Variants in LRRC9 observed in about 807,000 individuals in gnomAD.
LRRC9 encodes the protein leucine rich repeat containing 9.
In LRRC9, 122 loss-of-function variants were observed where a neutral mutation model predicts 63.2. The observed-to-expected ratio is 1.93, with a 90% CI of 1.67 to 2.24. The LOEUF (loss-of-function observed/expected upper bound fraction) is 2.24. Ranked by LOEUF, LRRC9 falls within the 30% of genes most tolerant of loss-of-function variation. LRRC9 has a pLI of 0.00. For synonymous variants in LRRC9, 366 were observed against 213.1 expected (o/e 1.72, Z -6.25); for missense variants, 1,071 against 627.7 (o/e 1.71, Z -7.55).
chr14:59,980,322 A>T (rs1245012886), intron 15 of LRRC9, among the ~76,000 whole-genome samples: 1 of 152,150 alleles, frequency 6.6e-6, no homozygotes, highest in East Asian at 1.9e-4. Flanking sequence ...GTCTATATGA[A>T]TCTATTCTGT....
In LRRC9 at chr14:60,042,472, G is replaced by A. The variant is rs561430316; in HGVS notation, c.3990+10409G>A. On this transcript the variant is annotated intron_variant, in intron 29 of 31. Transcript: ENST00000445360. The surrounding 1 kb of genome is among the most constrained non-coding windows in gnomAD (Gnocchi z 4.2). Reference sequence around the variant, plus strand: ...TGGCGGATGCCCCTCCCCTAGCCTCGCTGCTGCCTTGCAGTTCGATCTCAG... The same window carrying A: ...TGGCGGATGCCCCTCCCCTAGCCTCACTGCTGCCTTGCAGTTCGATCTCAG... 1.8e-4 allele frequency among the ~76,000 whole-genome samples: 27 copies of A among 152,196 alleles called. No homozygotes were observed. The highest frequency in any genetic ancestry group is 2.8e-4 in the Non-Finnish European group (19 of 68,032).
chr14:59,995,362 T>A (rs219360), intron 17 of LRRC9, among the ~76,000 whole-genome samples: 113,881 of 152,104 alleles, frequency 0.75, 44,770 homozygotes, highest in Non-Finnish European at 0.87. Context: ...TCGATCTAGA[T>A]AACAATTACA....
chr14:59,936,037 C>G lies in LRRC9; in HGVS notation c.544-2353C>G, dbSNP rs187929651. ...CTCTCAGGTCTTGCTCTGCCTCATACTAGAGGCAGCATAATACGGTGGAAC... is the reference window on the plus strand; with the variant it reads ...CTCTCAGGTCTTGCTCTGCCTCATAGTAGAGGCAGCATAATACGGTGGAAC... On this transcript the variant is annotated intron_variant, in intron 6 of 31. Coordinates refer to ENST00000445360, the Ensembl canonical transcript of LRRC9. The surrounding 1 kb of genome is among the most constrained non-coding windows in gnomAD (Gnocchi z 4.2). 3.3e-5 allele frequency among the ~76,000 whole-genome samples: 5 copies of G among 152,248 alleles called. No individual in the cohort carries two copies. Among genetic ancestry groups the G allele is most frequent in the South Asian group, 2.1e-4 (1 of 4,818 alleles).
intron 12 of LRRC9, among the ~76,000 whole-genome samples, chr14:59,970,255 G>A (rs1885341723): frequency 6.6e-6 from 1 of 151,942 alleles, no homozygotes; most frequent in African/African-American, 2.4e-5. Flanking sequence ...TAAGGACAAT[G>A]GCTTCCAACT....
chr14:60,043,299 C>G lies in LRRC9; in HGVS notation c.3991-9766C>G, dbSNP rs1466866792. ...GATGCCCTTTCTTTCTTTCTCTTGT[C>G]TAATTGCTCCAGACATTACTTCCAC... On this transcript the variant is annotated intron_variant, in intron 29 of 31. Coordinates refer to ENST00000445360, the Ensembl canonical transcript of LRRC9. Among the ~76,000 whole-genome samples the G allele has an allele frequency of 2.6e-5, 4 of 152,162 alleles. 1 individual carries two copies. The highest frequency in any genetic ancestry group is 2.6e-4 in the Admixed American group (4 of 15,272).
chr14:59,977,462 C>CA (rs1314402614), intron 14 of LRRC9, 115 bp downstream of exon 14: 8 of 563,874 alleles, frequency 1.4e-5, no homozygotes, highest in Non-Finnish European at 1.6e-5. Flanking sequence ...GAATTTTCTA[C>CA]AAAAATCTGT....
intron 17 of LRRC9, among the ~76,000 whole-genome samples, chr14:59,987,063 G>T (rs1887549361): frequency 6.6e-6 from 1 of 151,898 alleles, no homozygotes; most frequent in African/African-American, 2.4e-5. Context: ...TATATATATG[G>T]CTTAGTACAT....
chr14:59,963,998 A>G (rs548822176), intron 10 of LRRC9, among the ~76,000 whole-genome samples: 41 of 152,308 alleles, frequency 2.7e-4, no homozygotes, highest in South Asian at 2.3e-3. Context: ...GTAACTGAAT[A>G]TATTAGTCAT....
intron 29 of LRRC9, among the ~76,000 whole-genome samples, chr14:60,048,242 A>G (rs1893597912): frequency 6.6e-6 from 1 of 152,172 alleles, no homozygotes; most frequent in Non-Finnish European, 1.5e-5. Flanking sequence ...AGAAACCAAG[A>G]GCAAACAGAC....
chr14:60,026,684 A>T (rs1452663818), intron 27 of LRRC9, among the ~76,000 whole-genome samples: 1 of 152,000 alleles, frequency 6.6e-6, no homozygotes, highest in Non-Finnish European at 1.5e-5. Flanking sequence ...ATATGATGAG[A>T]GATAGGGGTC....
At chr14:59,957,581 T>C (rs1883902555) in intron 8 of LRRC9, among the ~76,000 whole-genome samples, 1 of 152,174 alleles carries the variant, frequency 6.6e-6, no homozygotes, top group Non-Finnish European at 1.5e-5. Flanking sequence ...AACTTGCTCC[T>C]TTAGCTCTGA....
At chr14:59,929,270 C>T (rs1391385655) in intron 3 of LRRC9, among the ~76,000 whole-genome samples, 1 of 151,982 alleles carries the variant, frequency 6.6e-6, no homozygotes, top group African/African-American at 2.4e-5. Flanking sequence ...AGGACATGAA[C>T]AGACACTTTG....
chr14:59,977,432 T>C, intron 14 of LRRC9, 85 bp downstream of exon 14: 1 of 538,206 alleles, frequency 1.9e-6, no homozygotes, highest in Admixed American at 3.6e-5. Flanking sequence ...CAATTTTATT[T>C]CTACTTAACA....
At chr14:60,063,255 T>C (rs1245149827) in intron 31 of LRRC9, 68 bp from the exon 33 acceptor site, 8 of 678,390 alleles carry the variant, frequency 1.2e-5, no homozygotes, top group Non-Finnish European at 1.9e-5. Flanking sequence ...CAGAATTACC[T>C]TAAGTTAGCT....
At chr14:59,939,678 GAA>G (rs2139832936) in intron 7 of LRRC9, among the ~76,000 whole-genome samples, 1 of 151,990 alleles carries the variant, frequency 6.6e-6, no homozygotes, top group African/African-American at 2.4e-5. Context: ...AAGAAGTAGA[GAA>G]TAATTCCAAG....
At chr14:59,993,112 G>A (rs561281977) in intron 17 of LRRC9, among the ~76,000 whole-genome samples, 31 of 152,276 alleles carry the variant, frequency 2.0e-4, no homozygotes, top group African/African-American at 7.0e-4. Flanking sequence ...CTGATCTCTC[G>A]GCAGAAACTC....
chr14:60,003,661 T>C lies in LRRC9; in HGVS notation c.2705T>C (p.Ile902Thr). 1 of 690,266 alleles carries C rather than the reference T, an allele frequency of 1.4e-6. No individual in the cohort carries two copies. Among genetic ancestry groups the C allele is most frequent in the South Asian group, 1.6e-5 (1 of 63,960 alleles). The allele number at this position is 690,266 out of a possible 1,614,324, so 42.8% of individuals were successfully genotyped here. Residue 902 changes from isoleucine (I) to threonine (T), a missense_variant, in exon 21 of 32, where the codon ATC (isoleucine) becomes ACC (threonine). Transcript: ENST00000445360. The surrounding 1 kb of genome is among the most constrained non-coding windows in gnomAD (Gnocchi z 4.2). ...TTAGATGGACAACATCTTTTTGAAATCACAAATTTAGAAAAATTGGAAAAT... is the reference window on the plus strand; with the variant it reads ...TTAGATGGACAACATCTTTTTGAAACCACAAATTTAGAAAAATTGGAAAAT...
chr14:59,936,418 G>A lies in LRRC9; in HGVS notation c.544-1972G>A, dbSNP rs1594818259. ...CCTAAGAAGATAACTATCTTATCAT[G>A]GTGGTGATTGAATCAATTCTGTGCC... On this transcript the variant is annotated intron_variant, in intron 6 of 31. Transcript: ENST00000445360. The surrounding 1 kb of genome is among the most constrained non-coding windows in gnomAD (Gnocchi z 4.2). 6.6e-6 allele frequency among the ~76,000 whole-genome samples: 1 copy of A among 152,116 alleles called. No homozygotes were observed. The highest frequency in any genetic ancestry group is 1.9e-4 in the East Asian group (1 of 5,182).
At chr14:60,032,634 G>T (rs1892084873) in intron 29 of LRRC9, among the ~76,000 whole-genome samples, 1 of 152,140 alleles carries the variant, frequency 6.6e-6, no homozygotes, top group African/African-American at 2.4e-5. Flanking sequence ...TTTCTAAACA[G>T]ATTGAGAAAT....
Sources: gnomAD v4.1 joint callset for allele counts (sites outside exome capture counted in the v4.1 genomes callset) on GRCh38, gnomAD v4.1.1 for gene constraint, Gnocchi (gnomAD v3.1) non-coding constraint, MANE v1.5 for transcripts, NCBI Gene and HGNC (gene_info 2026-07-23, HGNC 2026-07-21) for gene names.